Variants in MALRD1 observed in about 807,000 individuals in gnomAD.
MALRD1 encodes MAM and LDL-receptor class A domain-containing protein 1.
Under a neutral mutation model 242.1 loss-of-function variants are expected in MALRD1, and 247 were observed. The ratio of observed to expected loss-of-function variants is 1.02; its 90% CI spans 0.92 to 1.13. MALRD1 has a LOEUF of 1.13. Ranked by LOEUF, MALRD1 falls within the 50% of genes most tolerant of loss-of-function variation. The pLI is 0.00. For missense variants in MALRD1, 2,989 were observed against 2,533.1 expected (o/e 1.18, Z -3.86); for synonymous variants, 995 against 866.6 (o/e 1.15, Z -2.60).
intron 10 of MALRD1, among the ~76,000 whole-genome samples, chr10:19,144,342 C>T (rs1833654838): frequency 6.6e-6 from 1 of 152,148 alleles, no homozygotes; most frequent in Non-Finnish European, 1.5e-5. Flanking sequence ...ACAAGGAACC[C>T]ACAGATATGG....
intron 12 of MALRD1, among the ~76,000 whole-genome samples, chr10:19,160,289 G>A (rs1162954590): frequency 6.9e-6 from 1 of 145,800 alleles, no homozygotes; most frequent in Admixed American, 6.9e-5. Flanking sequence ...TATTGAACCA[G>A]CCTTGCATCC....
At chr10:19,440,188 G>T (rs1834554770) in intron 28 of MALRD1, among the ~76,000 whole-genome samples, 1 of 151,970 alleles carries the variant, frequency 6.6e-6, no homozygotes, top group Non-Finnish European at 1.5e-5. Flanking sequence ...ATTGACTTCG[G>T]GAGAGTTCTG....
At chr10:19,301,145 C>T (rs932635672) in intron 21 of MALRD1, among the ~76,000 whole-genome samples, 6 of 151,922 alleles carry the variant, frequency 3.9e-5, no homozygotes, top group Non-Finnish European at 7.4e-5. Context: ...AATTGCAAAT[C>T]AAAATCACAG....
intron 36 of MALRD1, among the ~76,000 whole-genome samples, chr10:19,625,011 C>T (rs946937396): frequency 1.3e-5 from 2 of 151,384 alleles, no homozygotes; most frequent in Admixed American, 6.6e-5. Context: ...GAGCTATGAT[C>T]GCAATACTGC....
At chr10:19,428,167 G>T (rs185282022) in intron 28 of MALRD1, among the ~76,000 whole-genome samples, 26 of 151,868 alleles carry the variant, frequency 1.7e-4, no homozygotes, top group Non-Finnish European at 3.1e-4. Flanking sequence ...GGGAGGTGAG[G>T]CGTTGGCAAT....
chr10:19,562,319 A>AGATAGAT (rs1451501610), intron 32 of MALRD1, among the ~76,000 whole-genome samples: 1 of 151,064 alleles, frequency 6.6e-6, no homozygotes, highest in Non-Finnish European at 1.5e-5. Context: ...ATAGATAGAT[A>AGATAGAT]GATAGATAGA....
intron 39 of MALRD1, among the ~76,000 whole-genome samples, 169 bp from the exon 40 acceptor site, chr10:19,733,988 A>C (rs990885570): frequency 1.3e-5 from 2 of 152,092 alleles, no homozygotes; most frequent in African/African-American, 4.8e-5. Context: ...TTGTGTCAGA[A>C]ACTCAAGCAG....
chr10:19,671,815 G>T (rs2131763594), intron 36 of MALRD1, among the ~76,000 whole-genome samples: 1 of 152,250 alleles, frequency 6.6e-6, no homozygotes, highest in African/African-American at 2.4e-5. Flanking sequence ...CTGTAGATGG[G>T]ATGGGGCAAA....
At chr10:19,103,014 A>T (rs900712282) in intron 4 of MALRD1, among the ~76,000 whole-genome samples, 1 of 151,594 alleles carries the variant, frequency 6.6e-6, no homozygotes, top group Non-Finnish European at 1.5e-5. Context: ...CTCCCAGCTA[A>T]TTTTTTGTAT....
At chr10:19,120,881 C>G (rs575513521) in intron 5 of MALRD1, among the ~76,000 whole-genome samples, 2 of 152,098 alleles carry the variant, frequency 1.3e-5, no homozygotes, top group African/African-American at 4.8e-5. Context: ...GTAGCTGGGA[C>G]TACAGGCATG....
chr10:19,066,963 A>AC, intron 2 of MALRD1, 104 bp downstream of exon 2: 1 of 834,112 alleles, frequency 1.2e-6, no homozygotes, highest in East Asian at 3.4e-5. Context: ...TCCGTTCCCC[A>AC]CCACATGTTT....
intron 21 of MALRD1, among the ~76,000 whole-genome samples, chr10:19,292,828 G>A (rs1011934651): frequency 1.4e-5 from 2 of 147,694 alleles, no homozygotes; most frequent in Admixed American, 1.4e-4. Context: ...GGGAGGCGGA[G>A]CTTGCAGTGA....
rs932180330 is a variant in MALRD1 at position 19,203,866 on chromosome 10, T to C, written c.2090T>C (p.Leu697Pro). 1 of 1,550,466 alleles carries C rather than the reference T, an allele frequency of 6.4e-7. No individual in the cohort carries two copies. The highest frequency in any genetic ancestry group is 8.7e-7 in the Non-Finnish European group (1 of 1,146,914). Residue 697 changes from leucine (L) to proline (P), a missense_variant, in exon 15 of 40, where the codon CTC becomes CCC. Leu to Pro is a moderately conservative substitution (Grantham distance 98). Transcript: ENST00000454679. The part of the protein sequence containing the change: ...EHQAPPRDHS[L>P]NASQGHFMFI... ...CAGGCTCCACCTCGGGATCATAGTCTCAACGCATCTCAAGGTAAGAAGCAA... is the reference window on the plus strand; with the variant it reads ...CAGGCTCCACCTCGGGATCATAGTCCCAACGCATCTCAAGGTAAGAAGCAA...
At chr10:19,444,751 T>A (rs550553542) in intron 28 of MALRD1, among the ~76,000 whole-genome samples, 13 of 152,216 alleles carry the variant, frequency 8.5e-5, no homozygotes, top group Non-Finnish European at 1.6e-4. Flanking sequence ...ATTTTTTCCT[T>A]CATTTCAACT....
At chr10:19,385,003 T>A (rs1024068657) in intron 26 of MALRD1, among the ~76,000 whole-genome samples, 1 of 151,940 alleles carries the variant, frequency 6.6e-6, no homozygotes, top group Non-Finnish European at 1.5e-5. Flanking sequence ...ATGCTTTTTC[T>A]GCATCTATTG....
intron 33 of MALRD1, among the ~76,000 whole-genome samples, chr10:19,589,788 C>G (rs1837664649): frequency 6.6e-6 from 1 of 152,156 alleles, no homozygotes. Context: ...ATCCCTTCAT[C>G]CTTTCTGATG....
chr10:19,074,795 CTTGA>C (rs1038613623), intron 2 of MALRD1, among the ~76,000 whole-genome samples: 1 of 151,782 alleles, frequency 6.6e-6, no homozygotes, highest in African/African-American at 2.4e-5. Context: ...AGGCAGATGG[CTTGA>C]TTATTTGTTA....
chr10:19,185,657 T>C (rs1282711490), intron 14 of MALRD1, among the ~76,000 whole-genome samples: 1 of 152,218 alleles, frequency 6.6e-6, no homozygotes, highest in Non-Finnish European at 1.5e-5. Context: ...TTTATGTGTG[T>C]TGATACTTTG....
intron 29 of MALRD1, among the ~76,000 whole-genome samples, chr10:19,476,797 C>T (rs758431106): frequency 2.0e-5 from 3 of 152,154 alleles, no homozygotes; most frequent in Admixed American, 6.5e-5. Context: ...ATTCATATGA[C>T]ATGTTCTCAC....
Sources: gnomAD v4.1 joint callset for allele counts (sites outside exome capture counted in the v4.1 genomes callset) on GRCh38, gnomAD v4.1.1 for gene constraint, MANE v1.5 for transcripts, NCBI Gene and HGNC (gene_info 2026-07-23, HGNC 2026-07-21) for gene names.